Variants in RARA observed in about 807,000 individuals in gnomAD.
RARA encodes the protein retinoic acid receptor alpha, also known as PML-DDX5-RARA fusion.
RARA carries 5 observed loss-of-function variants against 42.8 expected under a neutral mutation model. The observed-to-expected ratio is 0.12, with a 90% CI of 0.06 to 0.25. The LOEUF is 0.25. Among genes scored for constraint, RARA ranks in the 10% least tolerant of loss-of-function variants. RARA has a pLI of 1.00. For missense variants in RARA, 402 were observed against 628.7 expected (o/e 0.64, Z 3.86); for synonymous variants, 256 against 259.5 (o/e 0.99, Z 0.13).
intron 1 of RARA, among the ~76,000 whole-genome samples, chr17:40,315,359 C>T (rs2033191226): frequency 6.6e-6 from 1 of 151,722 alleles, no homozygotes; most frequent in African/African-American, 2.4e-5. Context: ...GTTTGAATCC[C>T]AGCCCTGCCA....
At chr17:40,321,858 GA>G (rs928325086) in intron 1 of RARA, among the ~76,000 whole-genome samples, 1 of 152,160 alleles carries the variant, frequency 6.6e-6, no homozygotes, top group African/African-American at 2.4e-5. Context: ...CCTTCTGCCG[GA>G]ACAAGGGAAG....
At chr17:40,329,626 C>T (rs769347601) in intron 1 of RARA, among the ~76,000 whole-genome samples, 6 of 151,630 alleles carry the variant, frequency 4.0e-5, no homozygotes, top group African/African-American at 9.7e-5. Flanking sequence ...AACTGACTTT[C>T]GTATTTTTAG....
chr17:40,351,593 A>C lies in RARA; in HGVS notation c.470-317A>C. On this transcript the variant is annotated intron_variant, in intron 4 of 8. Coordinates refer to ENST00000254066, the MANE Select transcript of RARA (RefSeq NM_000964.4). This position sits in a 1 kb window ranked among gnomAD's most constrained non-coding sequence, Gnocchi z 4.1. ...GAGGAGGCAGAGCACCTAGGAGGGC[A>C]CCGTCGCCTGGAGTGTGAGCTGGAG... 1 of 475,976 alleles carries C rather than the reference A, an allele frequency of 2.1e-6. No individual in the cohort carries two copies. The allele number at this position is 475,976 out of a possible 1,614,324, so 29.5% of individuals were successfully genotyped here.
At chr17:40,317,745 G>C (rs1314932445) in intron 1 of RARA, among the ~76,000 whole-genome samples, 2 of 151,834 alleles carry the variant, frequency 1.3e-5, no homozygotes, top group Non-Finnish European at 2.9e-5. Context: ...AAGATCCAGG[G>C]AAGGGAAGTG....
chr17:40,331,369 A>C lies in RARA; in HGVS notation c.151A>C (p.Ser51Arg). The change falls in exon 2 of 9, where the codon AGT becomes CGT. Residue 51 changes from serine to arginine, a missense_variant. By Grantham distance (110) the Ser-to-Arg change is moderately radical. Coordinates refer to ENST00000254066, the MANE Select transcript of RARA (RefSeq NM_000964.4). ...LTTLQHQLPV[S>R]GYSTPSPATI... ...CACTCTCCAGCACCAGCTTCCAGTT[A>C]GTGGATATAGCACACCATCCCCAGC... The C allele has an allele frequency of 6.2e-7, 1 of 1,613,756 alleles. No homozygotes were observed. Among genetic ancestry groups the C allele is most frequent in the Non-Finnish European group, 8.5e-7 (1 of 1,179,862 alleles).
chr17:40,317,420 G>A (rs1397728978), intron 1 of RARA, among the ~76,000 whole-genome samples: 2 of 152,210 alleles, frequency 1.3e-5, no homozygotes, highest in Non-Finnish European at 2.9e-5. Context: ...TCAGATGGAG[G>A]GTGATTCAGA....
At chr17:40,322,110 C>T (rs2033405908) in intron 1 of RARA, among the ~76,000 whole-genome samples, 1 of 151,918 alleles carries the variant, frequency 6.6e-6, no homozygotes, top group African/African-American at 2.4e-5. Flanking sequence ...GAGTCTGGGT[C>T]TGGCTGGCCG....
chr17:40,321,248 C>T (rs968020189), intron 1 of RARA, among the ~76,000 whole-genome samples: 2 of 151,988 alleles, frequency 1.3e-5, no homozygotes, highest in Admixed American at 6.6e-5. Flanking sequence ...GTTGGTGTGT[C>T]TGTCCCCAGT....
chr17:40,342,830 C>T (rs768143191), intron 2 of RARA: 2 of 1,613,094 alleles, frequency 1.2e-6, no homozygotes, highest in East Asian at 2.2e-5. Flanking sequence ...CGTACTCCAC[C>T]CCGCTCCGGA....
chr17:40,348,623 C>T lies in RARA; in HGVS notation c.327+159C>T, dbSNP rs1234840914. 5.7e-6 allele frequency: 5 copies of T among 874,220 alleles called. No homozygotes were observed. In the African/African-American group the frequency reaches 7.1e-5, roughly 12 times the overall value. 54.2% of individuals were successfully genotyped at this position (874,220 alleles called of 1,614,324 possible). On this transcript the variant is annotated intron_variant, in intron 3 of 8. Transcript: ENST00000254066. ...CAAGCAGGGACACCTACCACAGTTT[C>T]CCCACAGGTCCTCCCCCATAAATGT...
intron 2 of RARA, chr17:40,342,576 G>T: frequency 7.2e-7 from 1 of 1,383,204 alleles, no homozygotes; most frequent in Non-Finnish European, 9.3e-7. Flanking sequence ...CCCCCTGCCC[G>T]GGTCACCAGT....
intron 3 of RARA, chr17:40,349,390 C>G (rs1161131549): frequency 4.9e-6 from 1 of 202,676 alleles, no homozygotes; most frequent in Non-Finnish European, 1.0e-5. Context: ...GCCTCCTGGC[C>G]TCTTCGGGCT....
rs771371291 is a variant in RARA, at chr17:40,355,356, G to A, written c.1106G>A (p.Ser369Asn). Reference protein sequence around the residue: ...LKVYVRKRRPSRPHMFPKMLM... With the variant: ...LKVYVRKRRPNRPHMFPKMLM... ...GTCTACGTGCGGAAGCGGAGGCCCA[G>A]CCGCCCCCACATGTTCCCCAAGATG... The change falls in exon 8 of 9, where the codon AGC becomes AAC. Residue 369 changes from serine to asparagine, a missense_variant. Coordinates refer to ENST00000254066, the MANE Select transcript of RARA (RefSeq NM_000964.4). The surrounding 1 kb of genome is among the most constrained non-coding windows in gnomAD (Gnocchi z 4.1). The A allele has an allele frequency of 1.2e-6, 2 of 1,613,656 alleles. No homozygotes were observed. The highest frequency in any genetic ancestry group is 1.7e-5 in the Admixed American group (1 of 59,986).
chr17:40,331,657 C>T (rs759335313), intron 2 of RARA, among the ~76,000 whole-genome samples: 13 of 152,166 alleles, frequency 8.5e-5, no homozygotes, highest in Admixed American at 2.0e-4. Context: ...CAGTGGCCCT[C>T]GCACCCCTCT....
At chr17:40,330,521 C>A (rs2033663891) in intron 1 of RARA, among the ~76,000 whole-genome samples, 1 of 152,184 alleles carries the variant, frequency 6.6e-6, no homozygotes, top group Non-Finnish European at 1.5e-5. Flanking sequence ...CCTCAGGTAA[C>A]CCTCACTGGG....
intron 1 of RARA, among the ~76,000 whole-genome samples, chr17:40,330,198 G>A (rs1421414599): frequency 6.6e-6 from 1 of 152,192 alleles, no homozygotes; most frequent in Non-Finnish European, 1.5e-5. Context: ...CCTGGGGGTA[G>A]GAGGCTTCCT....
chr17:40,348,293 C>A (rs1378487804), intron 2 of RARA, 23 bp from the exon 3 acceptor site: 11 of 1,539,574 alleles, frequency 7.1e-6, no homozygotes, highest in Non-Finnish European at 8.7e-6. Flanking sequence ...TCTCTAACTG[C>A]CCCTCCCCTC....
At position 40,342,737 on chromosome 17, in the gene RARA, C is replaced by T. The variant is rs2034114070; in HGVS notation, c.179-5579C>T. 2.5e-6 allele frequency: 4 copies of T among 1,612,284 alleles called. No homozygotes were observed. In the South Asian group the frequency reaches 3.3e-5, roughly 13 times the overall value. ...AGAGTGTAGAAGTGGGGGGTCCCACCCCTAATCCCTTCCTAGTGGTGGATT... is the reference window on the plus strand; with the variant it reads ...AGAGTGTAGAAGTGGGGGGTCCCACTCCTAATCCCTTCCTAGTGGTGGATT... On this transcript the variant is annotated intron_variant, in intron 2 of 8. Transcript: ENST00000254066.
chr17:40,334,063 T>C (rs775282778), intron 2 of RARA, among the ~76,000 whole-genome samples: 4 of 152,214 alleles, frequency 2.6e-5, no homozygotes, highest in Non-Finnish European at 5.9e-5. Context: ...CCTGGGCTCA[T>C]TGGAGGGTTG....
Sources: gnomAD v4.1 joint callset for allele counts (sites outside exome capture counted in the v4.1 genomes callset) on GRCh38, gnomAD v4.1.1 for gene constraint, Gnocchi (gnomAD v3.1) non-coding constraint, MANE v1.5 for transcripts, NCBI Gene and HGNC (gene_info 2026-07-23, HGNC 2026-07-21) for gene names.